MBIP: variants seen among roughly 807,000 people sequenced by gnomAD.
MBIP encodes MAP3K12-binding inhibitory protein 1.
Under a neutral mutation model 45.7 loss-of-function variants are expected in MBIP, and 32 were observed. The ratio of observed to expected loss-of-function variants is 0.70; its 90% CI spans 0.53 to 0.94. The LOEUF (loss-of-function observed/expected upper bound fraction) is 0.94, where lower values mean the gene tolerates loss of function less well. MBIP is among the 40% of genes least tolerant of loss of function. The probability of loss-of-function intolerance (pLI) is 0.00; values close to 1 mark genes in which losing one functional copy is unlikely to be tolerated. For missense variants in MBIP, 381 were observed against 405.5 expected (o/e 0.94, Z 0.52); for synonymous variants, 145 against 141.0 (o/e 1.03, Z -0.20).
intron 1 of MBIP, among the ~76,000 whole-genome samples, chr14:36,320,099 CCAT>C (rs1305690426): frequency 1.3e-5 from 2 of 152,114 alleles, no homozygotes; most frequent in Non-Finnish European, 2.9e-5. Flanking sequence ...CAACCAATTC[CCAT>C]AAAGAGTAAG....
intron 6 of MBIP, among the ~76,000 whole-genome samples, chr14:36,311,173 G>A (rs1880175907): frequency 6.6e-6 from 1 of 152,170 alleles, no homozygotes; most frequent in South Asian, 2.1e-4. Flanking sequence ...ACTTGGGTTT[G>A]AGCAGGGTGC....
chr14:36,304,269 A>G (rs1397427856), intron 7 of MBIP, among the ~76,000 whole-genome samples: 1 of 152,160 alleles, frequency 6.6e-6, no homozygotes, highest in Non-Finnish European at 1.5e-5. Flanking sequence ...AAGTTAACAC[A>G]CCTTCAAAGT....
chr14:36,315,445 C>T (rs1374824115), intron 2 of MBIP, among the ~76,000 whole-genome samples: 1 of 151,906 alleles, frequency 6.6e-6, no homozygotes, highest in Non-Finnish European at 1.5e-5. Flanking sequence ...GAAGCATAGA[C>T]ATGAAATATA....
chr14:36,302,574 A>G (rs971753773), intron 7 of MBIP, among the ~76,000 whole-genome samples: 2 of 151,762 alleles, frequency 1.3e-5, no homozygotes, highest in Non-Finnish European at 1.5e-5. Flanking sequence ...TTTCCATGCT[A>G]TTAAACAATC....
chr14:36,319,422 A>G (rs1880756282), intron 1 of MBIP, among the ~76,000 whole-genome samples: 1 of 152,212 alleles, frequency 6.6e-6, no homozygotes, highest in African/African-American at 2.4e-5. Context: ...TAACTGCGTC[A>G]TTTCATAAAA....
chr14:36,309,096 A>G (rs1238937144), intron 6 of MBIP, among the ~76,000 whole-genome samples: 1 of 152,126 alleles, frequency 6.6e-6, no homozygotes, highest in Non-Finnish European at 1.5e-5. Flanking sequence ...TCTGTTATTC[A>G]AAGAGGCCAA....
At chr14:36,305,156 G>A (rs1297466541) in intron 7 of MBIP, 1 of 152,204 alleles carries the variant, frequency 6.6e-6, no homozygotes, top group East Asian at 1.9e-4. Context: ...TAAGGTATGT[G>A]CTCAACTTCT....
At chr14:36,314,199 T>C (rs1880393205) in intron 4 of MBIP, 1 of 247,810 alleles carries the variant, frequency 4.0e-6, no homozygotes, top group African/African-American at 2.3e-5. Context: ...TCAGTTCCTT[T>C]TACTAGTGAG....
rs1019173138 is a variant in MBIP at position 36,298,911 on chromosome 14, A to G, written c.*172T>C. 8 of 467,322 alleles carry G rather than the reference A, an allele frequency of 1.7e-5. No individual in the cohort carries two copies. The highest frequency in any genetic ancestry group is 1.6e-4 in the African/African-American group (8 of 50,118). 28.9% of individuals were successfully genotyped at this position (467,322 alleles called of 1,614,324 possible). On this transcript the variant is annotated 3_prime_UTR_variant, in exon 9 of 9. Transcript: ENST00000416007. Reference sequence around the variant, plus strand: ...TATTTTCAATGCATTCATTATTTCAAAACTTACTGGAATATTTGAAGATTA... The same window carrying G: ...TATTTTCAATGCATTCATTATTTCAGAACTTACTGGAATATTTGAAGATTA...
intron 8 of MBIP, among the ~76,000 whole-genome samples, chr14:36,299,525 G>T (rs1879411378): frequency 6.6e-6 from 1 of 150,590 alleles, no homozygotes; most frequent in African/African-American, 2.4e-5. Flanking sequence ...GGAGGGAGAG[G>T]ACTGAAAAAC....
intron 1 of MBIP, among the ~76,000 whole-genome samples, chr14:36,317,137 T>C (rs41479848): frequency 0.051 from 7,761 of 152,154 alleles, 630 homozygotes; most frequent in African/African-American, 0.17. Flanking sequence ...ATACAAACCT[T>C]TGGATGGAGT....
rs138316472 is a variant in MBIP at position 36,303,486 on chromosome 14, C to T, written c.889-2663G>A. 2.1e-3 allele frequency among the ~76,000 whole-genome samples: 313 copies of T among 152,274 alleles called. 2 individuals are homozygous for T. The highest frequency in any genetic ancestry group is 7.2e-3 in the African/African-American group (301 of 41,544). ...ATATGGTATAGTCTATTGCTCCTAG[C>T]ATATAAACCTTATGGCATGTTTCTG... On this transcript the variant is annotated intron_variant, in intron 7 of 8. Coordinates refer to ENST00000416007, the MANE Select transcript of MBIP (RefSeq NM_016586.3).
intron 4 of MBIP, chr14:36,313,427 T>C (rs1040299849): frequency 1.3e-5 from 2 of 152,128 alleles, no homozygotes; most frequent in African/African-American, 2.4e-5. Context: ...TTCTCGTCAA[T>C]TTCTATCCCC....
rs190929398 is a variant in MBIP, at chr14:36,306,956, C to T, written c.888+1136G>A. The stretch of plus-strand genomic sequence containing the variant: ...TCAGAGGAATAGAGTGACTTTTCCA[C>T]GTTTATACAGCTACTTTGTAGTTAT... On this transcript the variant is annotated intron_variant, in intron 7 of 8. Coordinates refer to ENST00000416007, the MANE Select transcript of MBIP (RefSeq NM_016586.3). 3.2e-4 allele frequency among the ~76,000 whole-genome samples: 48 copies of T among 152,304 alleles called. 1 individual carries two copies. The highest frequency in any genetic ancestry group is 9.9e-4 in the African/African-American group (41 of 41,554).
In MBIP at chr14:36,316,782, T is replaced by C. The variant is rs779244589; in HGVS notation, c.160A>G (p.Thr54Ala). ...CTCTGGAGCTTGTTCCAATCGATTG[T>C]AATTTTCACCACATCATCTCTGAGG... ...LDLRDDVVKITIDWNKLQSLS... is the reference protein window; with the variant it reads ...LDLRDDVVKIAIDWNKLQSLS... Residue 54 changes from threonine to alanine, a missense_variant, in exon 2 of 9, where the codon ACA becomes GCA. Thr to Ala is a moderately conservative substitution (Grantham distance 58, BLOSUM62 0). Coordinates refer to ENST00000416007, the MANE Select transcript of MBIP (RefSeq NM_016586.3). 6.2e-7 allele frequency: 1 copy of C among 1,612,322 alleles called. No individual in the cohort carries two copies. Among genetic ancestry groups the C allele is most frequent in the South Asian group, 1.1e-5 (1 of 90,818 alleles).
Position 36,320,534 on chromosome 14 carries a change from G to T in MBIP, c.55C>A (p.Arg19=). ...RPSSGDRNLE[R]RCRPNLSREV... is the part of the protein sequence containing the mutation. ...CGGGAGAGGTTGGGTCTGCATCTTC[G>T]CTCCAGGTTCCTGTCACCGCTGCTC... The change falls in exon 1 of 9, where the codon CGA becomes AGA. Residue 19 remains arginine (R), a synonymous_variant. Coordinates refer to ENST00000416007, the MANE Select transcript of MBIP (RefSeq NM_016586.3). 1.2e-6 allele frequency: 2 copies of T among 1,613,696 alleles called. No individual in the cohort carries two copies. The highest frequency in any genetic ancestry group is 1.7e-6 in the Non-Finnish European group (2 of 1,179,818).
chr14:36,311,527 C>A, intron 6 of MBIP, 46 bp downstream of exon 6: 1 of 1,529,780 alleles, frequency 6.5e-7, no homozygotes, highest in Non-Finnish European at 8.8e-7. Context: ...ATTTTTTAAC[C>A]ATTTGCAAAG....
Position 36,300,830 on chromosome 14 carries a change from T to TAAA in MBIP, c.889-10_889-8dup. 8.2e-7 allele frequency: 1 copy of TAAA among 1,219,478 alleles called. No homozygotes were observed. Among genetic ancestry groups the TAAA allele is most frequent in the Non-Finnish European group, 1.1e-6 (1 of 895,288 alleles). The allele number at this position is 1,219,478 out of a possible 1,614,324, so 75.5% of individuals were successfully genotyped here. On this transcript the variant is annotated splice_polypyrimidine_tract_variant and splice_region_variant and intron_variant, in intron 7 of 8. Transcript: ENST00000416007. ...TTCTTTTTCCAGAAAAGCTCTAGAT[T>TAAA]AAAAAAAAAAAGGTAATGTTTAGAA...
intron 7 of MBIP, among the ~76,000 whole-genome samples, chr14:36,307,476 A>G (rs1879950709): frequency 6.6e-6 from 1 of 152,170 alleles, no homozygotes; most frequent in African/African-American, 2.4e-5. Context: ...GGAAAACACA[A>G]TGAGCTCAGG....
Sources: gnomAD v4.1 joint callset for allele counts (sites outside exome capture counted in the v4.1 genomes callset) on GRCh38, gnomAD v4.1.1 for gene constraint, MANE v1.5 for transcripts, NCBI Gene and HGNC (gene_info 2026-07-23, HGNC 2026-07-21) for gene names.